DOCK10: variants seen among roughly 807,000 people sequenced by gnomAD.
DOCK10 encodes dedicator of cytokinesis protein 10.
A neutral mutation model predicts 280.1 loss-of-function variants in DOCK10; 145 were observed. The ratio of observed to expected loss-of-function variants is 0.52; its 90% CI spans 0.45 to 0.59. The LOEUF is 0.59. DOCK10 is among the 20% of genes least tolerant of loss of function. The pLI is 0.00. For missense variants in DOCK10, 2,368 were observed against 2,651.7 expected (o/e 0.89, Z 2.35); for synonymous variants, 915 against 942.2 (o/e 0.97, Z 0.53).
chr2:224,934,855 CTCTT>C (rs575585356), intron 1 of DOCK10, among the ~76,000 whole-genome samples: 1 of 152,220 alleles, frequency 6.6e-6, no homozygotes, highest in Non-Finnish European at 1.5e-5. Flanking sequence ...TATTCTTTCT[CTCTT>C]TCTCTCAAAT....
At chr2:224,927,476 G>C (rs1295181262) in intron 2 of DOCK10, among the ~76,000 whole-genome samples, 1 of 152,230 alleles carries the variant, frequency 6.6e-6, no homozygotes, top group Non-Finnish European at 1.5e-5. Context: ...TTCTTGGAGG[G>C]GAGGTATGGT....
At chr2:224,928,964 T>A (rs1329760362) in intron 2 of DOCK10, among the ~76,000 whole-genome samples, 4 of 152,242 alleles carry the variant, frequency 2.6e-5, no homozygotes, top group Non-Finnish European at 5.9e-5. Flanking sequence ...ATCTCCAATC[T>A]TGGAGCTCTT....
intron 1 of DOCK10, among the ~76,000 whole-genome samples, chr2:224,956,850 T>A (rs995679116): frequency 1.3e-5 from 2 of 152,146 alleles, no homozygotes; most frequent in African/African-American, 4.8e-5. Context: ...CTTTTCCTAA[T>A]GTATACTCAG....
chr2:224,986,564 T>C (rs1273681957), intron 1 of DOCK10, among the ~76,000 whole-genome samples: 1 of 152,138 alleles, frequency 6.6e-6, no homozygotes, highest in Non-Finnish European at 1.5e-5. Context: ...GGTGGGGCCT[T>C]CATCCTCTAG....
At chr2:224,819,249 C>T (rs771213928) in intron 29 of DOCK10, among the ~76,000 whole-genome samples, 197 bp downstream of exon 29, 13 of 152,198 alleles carry the variant, frequency 8.5e-5, no homozygotes, top group Non-Finnish European at 1.8e-4. Context: ...CACTTTCATT[C>T]CACTCTCCTT....
chr2:224,918,566 A>C (rs752160592), intron 2 of DOCK10, among the ~76,000 whole-genome samples: 2 of 84,204 alleles, frequency 2.4e-5, no homozygotes, highest in African/African-American at 6.8e-5. Flanking sequence ...GTGTGTGGTG[A>C]GTGTGTATGT....
chr2:224,934,476 GAT>G (rs2126036676), intron 1 of DOCK10, among the ~76,000 whole-genome samples: 1 of 152,306 alleles, frequency 6.6e-6, no homozygotes, highest in Non-Finnish European at 1.5e-5. Flanking sequence ...AAATAGCAAT[GAT>G]ATATTCCATA....
At chr2:224,785,288 T>C (rs1691653255) in intron 50 of DOCK10, among the ~76,000 whole-genome samples, 1 of 97,450 alleles carries the variant, frequency 1.0e-5, no homozygotes, top group African/African-American at 7.5e-5. Flanking sequence ...AATGTCTAAA[T>C]TTGCTTTTTT....
chr2:224,982,630 G>A, intron 1 of DOCK10: 1 of 573,556 alleles, frequency 1.7e-6, no homozygotes, highest in Non-Finnish European at 2.2e-6. Flanking sequence ...TCGAGAGCAT[G>A]TTTCCTGTTC....
intron 1 of DOCK10, among the ~76,000 whole-genome samples, chr2:224,951,372 T>A (rs962103203): frequency 6.6e-5 from 10 of 152,204 alleles, no homozygotes; most frequent in Admixed American, 6.5e-4. Flanking sequence ...TATATATGCA[T>A]GCATATATGT....
intron 1 of DOCK10, among the ~76,000 whole-genome samples, chr2:224,990,834 A>T (rs1485796449): frequency 6.6e-6 from 1 of 152,240 alleles, no homozygotes; most frequent in Non-Finnish European, 1.5e-5. Context: ...TACTTTTGCA[A>T]CATCAACTAT....
intron 7 of DOCK10, among the ~76,000 whole-genome samples, chr2:224,883,938 A>G (rs1316892798): frequency 6.6e-6 from 1 of 152,244 alleles, no homozygotes; most frequent in African/African-American, 2.4e-5. Flanking sequence ...TTTCAAGTAC[A>G]AATGGAAAGG....
Position 225,042,300 on chromosome 2 carries a change from G to T in DOCK10, c.75C>A (p.Ser25Arg). Residue 25 changes from serine to arginine, a missense_variant, in exon 1 of 56, where the codon AGC (serine) becomes AGA (arginine). By Grantham distance (110) the Ser-to-Arg change is moderately radical (BLOSUM62 -1). This residue lies in a region of DOCK10 where 1,209 missense variants were observed against 1,250.9 expected (regional missense o/e 0.97). Transcript: ENST00000258390. The surrounding 1 kb of genome is among the most constrained non-coding windows in gnomAD (Gnocchi z 5.1). ...RPGQAAELRH[S>R]AASAAAVAVS... is the part of the protein sequence containing the mutation. ...CTGCCACCGCGGCGGCGGACGCGGC[G>T]CTGTGCCGGAGCTCGGCCGCCTGCC... The T allele has an allele frequency of 7.4e-7, 1 of 1,352,500 alleles. No homozygotes were observed. Among genetic ancestry groups the T allele is most frequent in the South Asian group, 1.8e-5 (1 of 55,030 alleles). 83.8% of individuals were successfully genotyped at this position (1,352,500 alleles called of 1,614,324 possible).
At chr2:224,966,790 C>A (rs547190353) in intron 1 of DOCK10, among the ~76,000 whole-genome samples, 77 of 151,944 alleles carry the variant, frequency 5.1e-4, no homozygotes, top group African/African-American at 1.8e-3. Context: ...GCTTTATGGC[C>A]AATTATATTT....
intron 3 of DOCK10, among the ~76,000 whole-genome samples, chr2:224,898,041 T>C (rs1313672364): frequency 1.3e-5 from 2 of 152,146 alleles, no homozygotes; most frequent in African/African-American, 4.8e-5. Context: ...AGTAAAGACC[T>C]GTGATTGTCT....
At chr2:224,997,661 C>T (rs1212225771) in intron 1 of DOCK10, among the ~76,000 whole-genome samples, 3 of 152,016 alleles carry the variant, frequency 2.0e-5, no homozygotes, top group South Asian at 2.1e-4. Flanking sequence ...TGATGGAGGG[C>T]GGGAGGAGAG....
chr2:224,875,091 T>C (rs778657387), intron 8 of DOCK10, among the ~76,000 whole-genome samples: 43 of 152,236 alleles, frequency 2.8e-4, no homozygotes, highest in Non-Finnish European at 5.6e-4. Context: ...TTGGTAATTC[T>C]GGCTCTCAGG....
intron 1 of DOCK10, among the ~76,000 whole-genome samples, chr2:224,963,164 T>C (rs1704545562): frequency 1.3e-5 from 2 of 152,206 alleles, no homozygotes; most frequent in Non-Finnish European, 2.9e-5. Context: ...TTGTCTAGCC[T>C]GTTTCATTTA....
chr2:225,013,788 C>A (rs1689509809), intron 1 of DOCK10, among the ~76,000 whole-genome samples: 1 of 152,110 alleles, frequency 6.6e-6, no homozygotes, highest in Non-Finnish European at 1.5e-5. Context: ...TTCAGTTCAA[C>A]CACCAGCTCT....
Sources: gnomAD v4.1 joint callset for allele counts (sites outside exome capture counted in the v4.1 genomes callset) on GRCh38, gnomAD v4.1.1 for gene constraint, gnomAD v4.1.1 regional missense constraint, Gnocchi (gnomAD v3.1) non-coding constraint, MANE v1.5 for transcripts, NCBI Gene and HGNC (gene_info 2026-07-23, HGNC 2026-07-21) for gene names.